The following ALPK2 variants were observed in gnomAD, a reference collection of about 807,000 sequenced individuals.
ALPK2 encodes the protein alpha kinase 2.
Under a neutral mutation model 163.1 loss-of-function variants are expected in ALPK2, and 127 were observed. The ratio of observed to expected loss-of-function variants is 0.78; its 90% confidence interval spans 0.67 to 0.90. The LOEUF (loss-of-function observed/expected upper bound fraction) is 0.90, where lower values mean the gene tolerates loss of function less well. Ranked by LOEUF, ALPK2 falls within the 40% of genes least tolerant of loss-of-function variation. The pLI is 0.00. For synonymous variants in ALPK2, 953 were observed against 959.1 expected (o/e 0.99, Z 0.12); for missense variants, 2,360 against 2,589.6 (o/e 0.91, Z 1.92).
In ALPK2 at chr18:58,517,043, G is replaced by A; in HGVS notation, c.5805C>T (p.Arg1935=). 1 of 1,614,248 alleles carries A rather than the reference G, an allele frequency of 6.2e-7. No homozygotes were observed. Among genetic ancestry groups the A allele is most frequent in the Non-Finnish European group, 8.5e-7 (1 of 1,180,030 alleles). The change falls in exon 9 of 13, where the codon CGC becomes CGT. Residue 1935 remains arginine, a synonymous_variant. Coordinates refer to ENST00000361673, the MANE Select transcript of ALPK2 (RefSeq NM_052947.4). ...FGEGVHRKAF[R]STVMHGLMPV... is the part of the protein sequence containing the mutation. ...GCATGAGGCCGTGCATCACTGTGCT[G>A]CGGAAGGCTTTGCGGTGAACCCCTT... is the stretch of plus-strand genomic sequence containing the variant.
intron 11 of ALPK2, among the ~76,000 whole-genome samples, chr18:58,499,068 T>TC (rs778866341): frequency 1.6e-4 from 25 of 152,294 alleles, no homozygotes; most frequent in Non-Finnish European, 3.4e-4. Context: ...CTGAGTTCTA[T>TC]GTAGACACTG....
chr18:58,612,130 G>A (rs2052135863), intron 1 of ALPK2, among the ~76,000 whole-genome samples: 1 of 151,950 alleles, frequency 6.6e-6, no homozygotes, highest in South Asian at 2.1e-4. Flanking sequence ...CACTGCAGGG[G>A]AATGGGGGGG....
intron 10 of ALPK2, among the ~76,000 whole-genome samples, chr18:58,513,367 T>A (rs574446651): frequency 6.6e-6 from 1 of 152,178 alleles, no homozygotes; most frequent in Non-Finnish European, 1.5e-5. Flanking sequence ...ACTCCTCCCA[T>A]GTACCGTCAG....
chr18:58,591,992 A>C (rs968789182), intron 3 of ALPK2, among the ~76,000 whole-genome samples: 2 of 152,236 alleles, frequency 1.3e-5, no homozygotes, highest in African/African-American at 2.4e-5. Context: ...CTCAGGTTCC[A>C]GTTCACTGGG....
intron 4 of ALPK2, among the ~76,000 whole-genome samples, chr18:58,540,362 G>A (rs570906119): frequency 3.9e-5 from 6 of 152,146 alleles, no homozygotes; most frequent in East Asian, 1.9e-4. Flanking sequence ...TGGTGTTCCC[G>A]GAAAGAAAAG....
At chr18:58,567,113 C>T (rs1004839194) in intron 4 of ALPK2, among the ~76,000 whole-genome samples, 3 of 151,752 alleles carry the variant, frequency 2.0e-5, no homozygotes, top group South Asian at 2.1e-4. Context: ...TATTTTTTCA[C>T]GGTGGCTCAT....
intron 11 of ALPK2, among the ~76,000 whole-genome samples, chr18:58,501,417 T>A (rs1467868998): frequency 6.6e-6 from 1 of 152,226 alleles, no homozygotes; most frequent in Non-Finnish European, 1.5e-5. Context: ...CAGCAAAGTC[T>A]CTTCAAAGAG....
At chr18:58,554,665 C>T (rs1203414071) in intron 4 of ALPK2, among the ~76,000 whole-genome samples, 2 of 152,228 alleles carry the variant, frequency 1.3e-5, no homozygotes, top group African/African-American at 4.8e-5. Context: ...CGTGAAGTAA[C>T]AGGCTTCTCT....
chr18:58,583,179 A>G (rs1203303519), intron 3 of ALPK2, among the ~76,000 whole-genome samples: 1 of 152,106 alleles, frequency 6.6e-6, no homozygotes, highest in East Asian at 1.9e-4. Flanking sequence ...TTTCTTTAGG[A>G]CCTGCTCTTT....
At position 58,485,879 on chromosome 18, in the gene ALPK2, A is replaced by G. The variant is rs150427292; in HGVS notation, c.6297-3840T>C. 2.6e-5 allele frequency among the ~76,000 whole-genome samples: 4 copies of G among 152,324 alleles called. No individual in the cohort carries two copies. In the East Asian group the frequency reaches 7.7e-4, roughly 29 times the overall value. ...AGGGGCAGCTTCCCTGTCTGAGCAC[A>G]TTGGAAACAAGTCCCGGTCATTTGC... On this transcript the variant is annotated intron_variant, in intron 12 of 12. Transcript: ENST00000361673.
chr18:58,565,026 C>G (rs2051844413), intron 4 of ALPK2, among the ~76,000 whole-genome samples: 1 of 152,126 alleles, frequency 6.6e-6, no homozygotes, highest in Admixed American at 6.5e-5. Context: ...ATACAAATAA[C>G]ATATACTACT....
chr18:58,597,980 C>G (rs1278123560), intron 3 of ALPK2, among the ~76,000 whole-genome samples: 1 of 152,250 alleles, frequency 6.6e-6, no homozygotes, highest in Non-Finnish European at 1.5e-5. Flanking sequence ...TTACCAGAAC[C>G]TAACCATGCT....
chr18:58,498,538 T>G (rs568769335), intron 11 of ALPK2, among the ~76,000 whole-genome samples: 2 of 152,330 alleles, frequency 1.3e-5, no homozygotes, highest in African/African-American at 4.8e-5. Flanking sequence ...CGGCCTGGGA[T>G]AGTCAATGCC....
chr18:58,612,804 T>C (rs749512885), intron 1 of ALPK2, among the ~76,000 whole-genome samples: 6 of 152,238 alleles, frequency 3.9e-5, no homozygotes, highest in Admixed American at 2.6e-4. Flanking sequence ...TGTGGAGCCC[T>C]GAGCTTAGAA....
At chr18:58,487,737 T>C (rs1251569272) in intron 12 of ALPK2, among the ~76,000 whole-genome samples, 4 of 152,174 alleles carry the variant, frequency 2.6e-5, no homozygotes, top group Non-Finnish European at 5.9e-5. Flanking sequence ...TGAACAGCAT[T>C]CAGACCAGGC....
At chr18:58,589,451 G>C (rs1366831858) in intron 3 of ALPK2, among the ~76,000 whole-genome samples, 1 of 152,186 alleles carries the variant, frequency 6.6e-6, no homozygotes, top group African/African-American at 2.4e-5. Flanking sequence ...TAAGAACTAA[G>C]CAGGACAAGA....
chr18:58,601,498 C>T (rs1330464104), intron 3 of ALPK2, among the ~76,000 whole-genome samples: 1 of 152,162 alleles, frequency 6.6e-6, no homozygotes, highest in South Asian at 2.1e-4. Context: ...TGGCCTGTGA[C>T]TTGCTTTGGC....
At position 58,536,067 on chromosome 18, in the gene ALPK2, G is replaced by T; in HGVS notation, c.4120C>A (p.Gln1374Lys). ...GGKENVNNVS[Q>K]DQEEKQLKMD... is the part of the protein sequence containing the mutation. Reference sequence around the variant, plus strand: ...TTGAGTTGTTTTTCCTCCTGGTCTTGACTCACATTGTTAACATTTTCCTTC... The same window carrying T: ...TTGAGTTGTTTTTCCTCCTGGTCTTTACTCACATTGTTAACATTTTCCTTC... The change falls in exon 5 of 13, where the codon CAA becomes AAA. Residue 1374 changes from glutamine (Q) to lysine (K), a missense_variant. Physicochemically the swap from Gln to Lys is moderately conservative, Grantham distance 53 (BLOSUM62 1). Coordinates refer to ENST00000361673, the MANE Select transcript of ALPK2 (RefSeq NM_052947.4). The T allele has an allele frequency of 5.0e-6, 8 of 1,614,152 alleles. No homozygotes were observed. Among genetic ancestry groups the T allele is most frequent in the Non-Finnish European group, 6.8e-6 (8 of 1,180,022 alleles).
At chr18:58,504,988 G>A (rs188225049) in intron 10 of ALPK2, among the ~76,000 whole-genome samples, 4 of 152,254 alleles carry the variant, frequency 2.6e-5, no homozygotes, top group African/African-American at 9.6e-5. Flanking sequence ...AGAGGTTGGG[G>A]GAGGCAGAGG....
Sources: allele counts gnomAD v4.1 joint callset (sites outside exome capture counted in the v4.1 genomes callset), GRCh38; gene constraint gnomAD v4.1.1; transcripts MANE v1.5; gene names NCBI Gene and HGNC (gene_info 2026-07-23, HGNC 2026-07-21).